CLMP: variants seen among roughly 807,000 people sequenced by gnomAD.
CLMP encodes the protein CXADR like cell adhesion molecule.
Under a neutral mutation model 45.2 loss-of-function variants are expected in CLMP, and 27 were observed. The ratio of observed to expected loss-of-function variants is 0.60; its 90% confidence interval spans 0.44 to 0.82. The LOEUF (loss-of-function observed/expected upper bound fraction) is 0.82, where lower values mean the gene tolerates loss of function less well. CLMP is among the 40% of genes least tolerant of loss of function. CLMP has a pLI of 0.00. For synonymous variants in CLMP, 167 were observed against 171.4 expected, an observed-to-expected ratio of 0.97 and a Z score of 0.20; for missense variants, 403 against 448.4, an observed-to-expected ratio of 0.90 and a Z score of 0.91.
intron 1 of CLMP, among the ~76,000 whole-genome samples, chr11:123,185,476 A>G (rs539514090): frequency 1.1e-3 from 172 of 152,238 alleles, no homozygotes; most frequent in South Asian, 2.7e-3. Flanking sequence ...GGGCTTGGGA[A>G]GCTGCAGGAC....
intron 1 of CLMP, among the ~76,000 whole-genome samples, chr11:123,171,744 T>G (rs1206431686): frequency 1.3e-5 from 2 of 152,104 alleles, no homozygotes; most frequent in Admixed American, 1.3e-4. Flanking sequence ...GCGCTCGGCC[T>G]GTTGGAAGAC....
intron 1 of CLMP, among the ~76,000 whole-genome samples, chr11:123,128,686 A>G (rs2135506440): frequency 6.6e-6 from 1 of 152,328 alleles, no homozygotes; most frequent in South Asian, 2.1e-4. Flanking sequence ...ACTGCAAGTT[A>G]AAAAGTGAAA....
At chr11:123,080,523 C>T (rs1474690851) in intron 5 of CLMP, among the ~76,000 whole-genome samples, 6 of 152,110 alleles carry the variant, frequency 3.9e-5, no homozygotes, top group Admixed American at 3.9e-4. Context: ...GATGGGGTTT[C>T]ACCCTGTTGG....
intron 1 of CLMP, among the ~76,000 whole-genome samples, chr11:123,107,369 T>C (rs1860574969): frequency 6.7e-6 from 1 of 150,070 alleles, no homozygotes; most frequent in Non-Finnish European, 1.5e-5. Flanking sequence ...TAGCTGGGAT[T>C]ATAGGCGCAT....
intron 1 of CLMP, among the ~76,000 whole-genome samples, chr11:123,139,848 AATAAAATAAAATAAAAAAT>A (rs1170613739): frequency 3.3e-5 from 5 of 151,312 alleles, no homozygotes; most frequent in Admixed American, 6.6e-5. Context: ...AATAGAATAA[AATAAAATAAAATAAAAAAT>A]ATAAAATAAA....
In CLMP at chr11:123,078,294, C is replaced by T. The variant is rs562252013; in HGVS notation, c.680-3451G>A. 3.3e-5 allele frequency among the ~76,000 whole-genome samples: 5 copies of T among 152,094 alleles called. No homozygotes were observed. In the East Asian group the frequency reaches 9.7e-4, roughly 29 times the overall value. ...AACAATGAAAAATGACATACTCTAGCTATAAGCAACAACAATGATGAGTCT... is the reference window on the plus strand; with the variant it reads ...AACAATGAAAAATGACATACTCTAGTTATAAGCAACAACAATGATGAGTCT... On this transcript the variant is annotated intron_variant, in intron 5 of 6. Transcript: ENST00000448775.
chr11:123,180,988 T>G (rs1048267418), intron 1 of CLMP, among the ~76,000 whole-genome samples: 1 of 152,124 alleles, frequency 6.6e-6, no homozygotes, highest in African/African-American at 2.4e-5. Context: ...GCCCGGGGTG[T>G]GTGCATGTGA....
chr11:123,150,476 AAAGAAAGGAAGGAAGG>A (rs1861306272), intron 1 of CLMP, among the ~76,000 whole-genome samples: 5 of 60,676 alleles, frequency 8.2e-5, no homozygotes, highest in Middle Eastern at 7.7e-3. Flanking sequence ...AGAAAGAAAG[AAAGAAAGGAAGGAAGG>A]AAGGAAGGAA....
intron 5 of CLMP, among the ~76,000 whole-genome samples, chr11:123,077,535 G>C (rs1865755264): frequency 6.6e-6 from 1 of 151,476 alleles, no homozygotes; most frequent in Admixed American, 6.6e-5. Flanking sequence ...TTCTCATGTT[G>C]GTCAGGCTGG....
At chr11:123,163,021 G>T (rs912272406) in intron 1 of CLMP, among the ~76,000 whole-genome samples, 1 of 152,148 alleles carries the variant, frequency 6.6e-6, no homozygotes, top group Non-Finnish European at 1.5e-5. Flanking sequence ...AGGAAAGTGG[G>T]TACCTGTACC....
At chr11:123,149,523 C>T (rs12578013) in intron 1 of CLMP, among the ~76,000 whole-genome samples, 22,604 of 152,138 alleles carry the variant, frequency 0.15, 1,935 homozygotes, top group South Asian at 0.25. Context: ...GTGAGCTCTT[C>T]CCAAGGGGAG....
intron 1 of CLMP, among the ~76,000 whole-genome samples, chr11:123,150,470 A>AAAG (rs1861303985): frequency 9.4e-6 from 1 of 106,912 alleles, no homozygotes; most frequent in Admixed American, 9.2e-5. Flanking sequence ...AAAGAAAGAA[A>AAAG]GAAAGAAAGA....
intron 1 of CLMP, among the ~76,000 whole-genome samples, chr11:123,121,059 G>A (rs2135499999): frequency 6.9e-6 from 1 of 145,238 alleles, no homozygotes; most frequent in African/African-American, 2.6e-5. Context: ...ATCTGGAGGT[G>A]AAGCTTGCAG....
chr11:123,089,794 GA>G (rs373657851), intron 2 of CLMP, among the ~76,000 whole-genome samples: 19,912 of 126,138 alleles, frequency 0.16, 1,553 homozygotes, highest in African/African-American at 0.18. Context: ...AAAAAAAAAA[GA>G]AAAAGAAAAA....
intron 1 of CLMP, among the ~76,000 whole-genome samples, chr11:123,122,615 C>T (rs1329895256): frequency 6.6e-6 from 1 of 152,124 alleles, no homozygotes; most frequent in East Asian, 1.9e-4. Flanking sequence ...CTTTTATTTC[C>T]CAATAGGCTC....
At chr11:123,133,909 C>CT (rs894579966) in intron 1 of CLMP, among the ~76,000 whole-genome samples, 3 of 152,102 alleles carry the variant, frequency 2.0e-5, no homozygotes, top group Admixed American at 6.5e-5. Context: ...AAAAACATGT[C>CT]TAACTATTTT....
intron 1 of CLMP, among the ~76,000 whole-genome samples, chr11:123,151,699 G>A (rs1861339216): frequency 1.3e-5 from 2 of 152,184 alleles, no homozygotes; most frequent in Admixed American, 6.5e-5. Context: ...GCAAAGGCAG[G>A]GAAGAATCTG....
chr11:123,167,799 C>G (rs2135538432), intron 1 of CLMP, among the ~76,000 whole-genome samples: 1 of 152,310 alleles, frequency 6.6e-6, no homozygotes, highest in South Asian at 2.1e-4. Context: ...GCTGTGACTT[C>G]AAGTTGAAGA....
chr11:123,118,870 A>C (rs1430219386), intron 1 of CLMP, among the ~76,000 whole-genome samples: 1 of 151,706 alleles, frequency 6.6e-6, no homozygotes, highest in African/African-American at 2.4e-5. Context: ...CCTAACTATG[A>C]GTCTTGAGTT....
Sources: gnomAD v4.1 joint callset for allele counts (sites outside exome capture counted in the v4.1 genomes callset) on GRCh38, gnomAD v4.1.1 for gene constraint, MANE v1.5 for transcripts, NCBI Gene and HGNC (gene_info 2026-07-23, HGNC 2026-07-21) for gene names.